GRIK3: variants seen among roughly 807,000 people sequenced by gnomAD.
GRIK3 encodes glutamate receptor ionotropic, kainate 3.
A neutral mutation model predicts 102.5 loss-of-function variants in GRIK3; 29 were observed. That is an observed-to-expected ratio of 0.28 (90% CI 0.21 to 0.39). The LOEUF (loss-of-function observed/expected upper bound fraction) is 0.39, where lower values mean the gene tolerates loss of function less well. Ranked by LOEUF, GRIK3 falls within the 10% of genes least tolerant of loss-of-function variation. GRIK3 has a pLI of 1.00. For synonymous variants in GRIK3, 511 were observed against 504.9 expected (o/e 1.01, Z -0.16); for missense variants, 908 against 1,252.4 (o/e 0.73, Z 4.15).
chr1:36,928,367 C>T (rs993160637), intron 1 of GRIK3, among the ~76,000 whole-genome samples: 1 of 152,226 alleles, frequency 6.6e-6, no homozygotes, highest in Non-Finnish European at 1.5e-5. Flanking sequence ...CATATTACCA[C>T]TTTCACCTTT....
At chr1:36,857,616 G>A (rs1640667574) in intron 7 of GRIK3, among the ~76,000 whole-genome samples, 1 of 152,240 alleles carries the variant, frequency 6.6e-6, no homozygotes, top group Non-Finnish European at 1.5e-5. Flanking sequence ...CACACAGCTG[G>A]GAAGAGGTAG....
chr1:36,894,010 A>C (rs930210148), intron 1 of GRIK3, among the ~76,000 whole-genome samples: 3 of 152,156 alleles, frequency 2.0e-5, no homozygotes, highest in Admixed American at 2.0e-4. Context: ...ATTTTTGATA[A>C]TTGATTTTGT....
At chr1:36,927,545 A>T (rs1382662142) in intron 1 of GRIK3, among the ~76,000 whole-genome samples, 5 of 151,794 alleles carry the variant, frequency 3.3e-5, no homozygotes, top group African/African-American at 1.2e-4. Context: ...GGTGTTTGTG[A>T]CCTCCGTTCA....
rs1270277438 is a variant in GRIK3 at position 36,795,964 on chromosome 1, G to A, written c.*5887C>T. The A allele has an allele frequency of 6.6e-6, 1 of 152,374 alleles. No individual in the cohort carries two copies. The highest frequency in any genetic ancestry group is 1.5e-5 in the Non-Finnish European group (1 of 68,168). The allele number at this position is 152,374 out of a possible 1,614,324, so 9.4% of individuals were successfully genotyped here. ...CAGGAAGTCGGCCCAGGCAGAGGTG[G>A]GCTGGGGGCTTGGCGCACAGTGGTA... On this transcript the variant is annotated 3_prime_UTR_variant, in exon 16 of 16. Transcript: ENST00000373091.
At chr1:36,925,365 G>A (rs926448598) in intron 1 of GRIK3, among the ~76,000 whole-genome samples, 1 of 152,266 alleles carries the variant, frequency 6.6e-6, no homozygotes, top group African/African-American at 2.4e-5. Context: ...CCAGCCCCCA[G>A]GGGCCTAGAT....
At chr1:36,837,511 C>T (rs774360697) in intron 10 of GRIK3, among the ~76,000 whole-genome samples, 6 of 152,204 alleles carry the variant, frequency 3.9e-5, no homozygotes, top group Admixed American at 6.5e-5. Flanking sequence ...GAGCAGCACT[C>T]GCCCTGTTTG....
intron 13 of GRIK3, among the ~76,000 whole-genome samples, chr1:36,810,965 C>T (rs1032156016): frequency 2.0e-5 from 3 of 152,192 alleles, no homozygotes; most frequent in Non-Finnish European, 4.4e-5. Flanking sequence ...GGGTGAGCTC[C>T]ACTGCACTCT....
intron 10 of GRIK3, among the ~76,000 whole-genome samples, chr1:36,829,621 C>T (rs1172377147): frequency 6.6e-6 from 1 of 152,026 alleles, no homozygotes; most frequent in Non-Finnish European, 1.5e-5. Flanking sequence ...GATGGTCTTC[C>T]CAGGACATTA....
At chr1:36,967,331 C>G (rs1642091392) in intron 1 of GRIK3, among the ~76,000 whole-genome samples, 1 of 152,264 alleles carries the variant, frequency 6.6e-6, no homozygotes, top group Non-Finnish European at 1.5e-5. Flanking sequence ...GCTTCTCACT[C>G]TGAAGCTTTT....
chr1:36,921,839 G>A (rs1322295256), intron 1 of GRIK3, among the ~76,000 whole-genome samples: 1 of 152,138 alleles, frequency 6.6e-6, no homozygotes, highest in East Asian at 1.9e-4. Context: ...GCTTTGTCCT[G>A]AGGGTGTCTC....
Position 36,886,105 on chromosome 1 carries a change from G to A in GRIK3, c.292+4815C>T, listed in dbSNP as rs566473310. Among the ~76,000 whole-genome samples the A allele has an allele frequency of 3.3e-4, 50 of 152,288 alleles. No individual in the cohort carries two copies. The Middle Eastern group carries it at 0.014, about 41-fold the overall frequency. ...TCTCTGCGCTGCTGCTGCCTCTGGC[G>A]CTGCCTGGAAGTCACTCATCTTTTA... On this transcript the variant is annotated intron_variant, in intron 2 of 15. Transcript: ENST00000373091.
chr1:36,927,851 T>C (rs190966438), intron 1 of GRIK3, among the ~76,000 whole-genome samples: 1 of 151,628 alleles, frequency 6.6e-6, no homozygotes, highest in South Asian at 2.1e-4. Flanking sequence ...GGGGGAGAGA[T>C]AATTGGAGAC....
intron 1 of GRIK3, among the ~76,000 whole-genome samples, chr1:37,022,715 C>T (rs755345992): frequency 7.2e-5 from 11 of 152,248 alleles, no homozygotes; most frequent in South Asian, 6.2e-4. Flanking sequence ...AGCTGCATGC[C>T]GGGGCAGTTA....
At chr1:36,906,169 G>A (rs1263345814) in intron 1 of GRIK3, among the ~76,000 whole-genome samples, 1 of 152,194 alleles carries the variant, frequency 6.6e-6, no homozygotes, top group South Asian at 2.1e-4. Flanking sequence ...GCTGAACCCC[G>A]CAGGGCAGCC....
At chr1:36,938,945 C>G (rs116870037) in intron 1 of GRIK3, among the ~76,000 whole-genome samples, 31 of 152,234 alleles carry the variant, frequency 2.0e-4, no homozygotes, top group African/African-American at 7.5e-4. Context: ...GATGATTCAC[C>G]GGGAAAAGCA....
At chr1:37,031,468 GC>G (rs529985993) in intron 1 of GRIK3, among the ~76,000 whole-genome samples, 217 of 152,342 alleles carry the variant, frequency 1.4e-3, no homozygotes, top group African/African-American at 4.9e-3. Flanking sequence ...GGAAATTTCA[GC>G]CCCCAAAAGA....
chr1:36,957,030 C>G (rs373094329), intron 1 of GRIK3, among the ~76,000 whole-genome samples: 1 of 152,248 alleles, frequency 6.6e-6, no homozygotes. Context: ...TCTGCTGGAG[C>G]AGGCCACAGA....
intron 1 of GRIK3, among the ~76,000 whole-genome samples, chr1:36,910,535 A>G (rs1641332921): frequency 6.7e-6 from 1 of 148,784 alleles, no homozygotes; most frequent in African/African-American, 2.4e-5. Context: ...CCTGCTTCTC[A>G]GGCACCTCTG....
chr1:36,811,747 T>G (rs1222882388), intron 13 of GRIK3, among the ~76,000 whole-genome samples: 1 of 152,188 alleles, frequency 6.6e-6, no homozygotes, highest in East Asian at 1.9e-4. Context: ...GAGGGCTGTG[T>G]GGAAGAGAAA....
Sources: gnomAD v4.1 joint callset for allele counts (sites outside exome capture counted in the v4.1 genomes callset) on GRCh38, gnomAD v4.1.1 for gene constraint, MANE v1.5 for transcripts, NCBI Gene and HGNC (gene_info 2026-07-23, HGNC 2026-07-21) for gene names.